Variants in ST3GAL5 observed in about 807,000 individuals in gnomAD.
The protein encoded by ST3GAL5 is ST3 beta-galactoside alpha-2,3-sialyltransferase 5, also known as lactosylceramide alpha-2,3-sialyltransferase.
A neutral mutation model predicts 46.1 loss-of-function variants in ST3GAL5; 25 were observed. The ratio of observed to expected loss-of-function variants is 0.54; its 90% CI spans 0.40 to 0.76. The LOEUF (loss-of-function observed/expected upper bound fraction) is 0.76, where lower values mean the gene tolerates loss of function less well. Among genes scored for constraint, ST3GAL5 ranks in the 30% least tolerant of loss-of-function variants. The probability of loss-of-function intolerance (pLI) is 0.00; values close to 1 mark genes in which losing one functional copy is unlikely to be tolerated. For missense variants in ST3GAL5, 431 were observed against 521.2 expected (o/e 0.83, Z 1.69); for synonymous variants, 182 against 192.7 (o/e 0.94, Z 0.46).
intron 1 of ST3GAL5, among the ~76,000 whole-genome samples, chr2:85,875,003 G>C (rs1686366228): frequency 2.0e-5 from 3 of 152,040 alleles, no homozygotes; most frequent in Non-Finnish European, 4.4e-5. Context: ...GGGAGGCTAG[G>C]GGAACAATAT....
chr2:85,848,295 A>G, intron 3 of ST3GAL5, 91 bp from the exon 4 acceptor site: 1 of 1,611,824 alleles, frequency 6.2e-7, no homozygotes, highest in Admixed American at 1.7e-5. Context: ...ATGATGTCTG[A>G]TGTAGCTCCC....
chr2:85,888,990 TG>T (rs1415321697), upstream of ST3GAL5: 10 of 1,061,242 alleles, frequency 9.4e-6, no homozygotes, highest in South Asian at 3.2e-5. Flanking sequence ...CCCATTCAGC[TG>T]GGGGCCGCCG....
chr2:85,870,202 A>G (rs930144514), intron 1 of ST3GAL5: 5 of 470,786 alleles, frequency 1.1e-5, no homozygotes, highest in Admixed American at 2.3e-5. Flanking sequence ...CCCCACTAGA[A>G]TGCAGATTCC....
chr2:85,858,041 C>T (rs1684333590), intron 3 of ST3GAL5: 1 of 152,242 alleles, frequency 6.6e-6, no homozygotes, highest in South Asian at 2.1e-4. Flanking sequence ...TGGCAAGCTT[C>T]AGAGGAGCTT....
At chr2:85,840,711 C>T (rs773209942) in intron 6 of ST3GAL5, among the ~76,000 whole-genome samples, 7 of 151,774 alleles carry the variant, frequency 4.6e-5, no homozygotes, top group Admixed American at 6.6e-5. Flanking sequence ...TCTGGGAGGC[C>T]GAGGTGGGCG....
chr2:85,864,837 T>C (rs905791896), intron 1 of ST3GAL5, among the ~76,000 whole-genome samples: 5 of 152,186 alleles, frequency 3.3e-5, no homozygotes, highest in Non-Finnish European at 7.3e-5. Context: ...CATTTCCCAG[T>C]CTCCCTTGGA....
rs1353624541 is a variant in ST3GAL5 at position 85,888,931 on chromosome 2, G to A, written c.-26C>T. ...ACTAATGAGGGGGCGCCGGCCGGCC[G>A]CCAGCCCGGTACCCCGCGCCCCCAC... On this transcript the variant is annotated 5_prime_UTR_variant, in exon 1 of 7. Coordinates refer to ENST00000638572, the MANE Select transcript of ST3GAL5 (RefSeq NM_003896.4). The A allele has an allele frequency of 3.8e-6, 5 of 1,330,840 alleles. No individual in the cohort carries two copies. The highest frequency in any genetic ancestry group is 3.0e-5 in the Admixed American group (1 of 33,056). 82.4% of individuals were successfully genotyped at this position (1,330,840 alleles called of 1,614,324 possible). A position where few individuals can be genotyped will look rare whatever the true frequency, so the allele number is the denominator to read the frequency against.
intron 1 of ST3GAL5, among the ~76,000 whole-genome samples, chr2:85,885,848 C>T (rs1340318752): frequency 6.7e-6 from 1 of 150,152 alleles, no homozygotes; most frequent in East Asian, 2.0e-4. Context: ...AAAAAAAAAA[C>T]TGGAGTAAAA....
Position 85,847,856 on chromosome 2 carries a change from T to A in ST3GAL5, c.662+5A>T. 1 of 1,613,544 alleles carries A rather than the reference T, an allele frequency of 6.2e-7. No homozygotes were observed. The highest frequency in any genetic ancestry group is 8.5e-7 in the Non-Finnish European group (1 of 1,179,928). ...TAAACAAACAAACAAAAAAAACCAA[T>A]GTACCTTATCACAACATCGAACTGG... On this transcript the variant is annotated splice_donor_5th_base_variant and intron_variant, in intron 4 of 6. Transcript: ENST00000638572.
At chr2:85,869,214 T>G (rs1402119711) in intron 1 of ST3GAL5, among the ~76,000 whole-genome samples, 1 of 152,130 alleles carries the variant, frequency 6.6e-6, no homozygotes, top group East Asian at 1.9e-4. Flanking sequence ...TGCACCCAGC[T>G]ATCTGTTTAT....
In ST3GAL5 at chr2:85,837,234, T is replaced by C. The variant is rs1472757915; in HGVS notation, c.*2910A>G. Reference sequence around the variant, plus strand: ...ATGAATAAAGAAAATGTGGTATATATACACAATGGAATATTATTCTGCCAT... The same window carrying C: ...ATGAATAAAGAAAATGTGGTATATACACACAATGGAATATTATTCTGCCAT... On this transcript the variant is annotated 3_prime_UTR_variant, in exon 7 of 7. Coordinates refer to ENST00000638572, the MANE Select transcript of ST3GAL5 (RefSeq NM_003896.4). 1 of 152,258 alleles carries C rather than the reference T, an allele frequency of 6.6e-6. No individual in the cohort carries two copies. The highest frequency in any genetic ancestry group is 1.5e-5 in the Non-Finnish European group (1 of 68,044). The allele number at this position is 152,258 out of a possible 1,614,324, so 9.4% of individuals were successfully genotyped here.
At chr2:85,856,184 C>T (rs545009464) in intron 3 of ST3GAL5, 3 of 152,262 alleles carry the variant, frequency 2.0e-5, no homozygotes, top group Non-Finnish European at 2.9e-5. Flanking sequence ...GTGGACACAA[C>T]CCAAATGTCC....
In ST3GAL5 at chr2:85,880,739, A is replaced by C. The variant is rs193286137; in HGVS notation, c.82+8085T>G. On this transcript the variant is annotated intron_variant, in intron 1 of 6. Coordinates refer to ENST00000638572, the MANE Select transcript of ST3GAL5 (RefSeq NM_003896.4). ...CTCGGGAGGCTGAGACAGGAGAACCAGTTGCTCCTGGGAGGCTGAGGTTGC... is the reference window on the plus strand; with the variant it reads ...CTCGGGAGGCTGAGACAGGAGAACCCGTTGCTCCTGGGAGGCTGAGGTTGC... Among the ~76,000 whole-genome samples, 157 of 152,086 alleles carry C rather than the reference A, an allele frequency of 1.0e-3. 1 individual carries two copies. Among genetic ancestry groups the C allele is most frequent in the African/African-American group, 3.6e-3 (148 of 41,508 alleles).
chr2:85,840,021 A>C lies in ST3GAL5; in HGVS notation c.*123T>G, dbSNP rs1002257248. 6.1e-6 allele frequency: 9 copies of C among 1,471,254 alleles called. No homozygotes were observed. Among genetic ancestry groups the C allele is most frequent in the Non-Finnish European group, 7.4e-6 (8 of 1,086,310 alleles). 91.1% of individuals were successfully genotyped at this position (1,471,254 alleles called of 1,614,324 possible). A position where few individuals can be genotyped will look rare whatever the true frequency, so the allele number is the denominator to read the frequency against. On this transcript the variant is annotated 3_prime_UTR_variant, in exon 7 of 7. Transcript: ENST00000638572. ...AGCTAAAATTTTTTTTGTGTTTTTAAATTAAAAGTTAAAAACATGAGCTGC... is the reference window on the plus strand; with the variant it reads ...AGCTAAAATTTTTTTTGTGTTTTTACATTAAAAGTTAAAAACATGAGCTGC...
chr2:85,883,479 C>T (rs1213569537), intron 1 of ST3GAL5, among the ~76,000 whole-genome samples: 1 of 152,166 alleles, frequency 6.6e-6, no homozygotes, highest in African/African-American at 2.4e-5. Context: ...TCTTTATCAG[C>T]AGTGTGAAAA....
At chr2:85,885,846 A>T (rs1265545018) in intron 1 of ST3GAL5, among the ~76,000 whole-genome samples, 1 of 152,026 alleles carries the variant, frequency 6.6e-6, no homozygotes, top group Non-Finnish European at 1.5e-5. Context: ...AGAAAAAAAA[A>T]ACTGGAGTAA....
chr2:85,886,491 T>C (rs1052066459), intron 1 of ST3GAL5, among the ~76,000 whole-genome samples: 4 of 152,094 alleles, frequency 2.6e-5, no homozygotes, highest in African/African-American at 9.7e-5. Context: ...GGAAAATTCA[T>C]TGAGCAGGAC....
intron 1 of ST3GAL5, among the ~76,000 whole-genome samples, chr2:85,868,796 T>C (rs1487149085): frequency 6.6e-6 from 1 of 151,862 alleles, no homozygotes; most frequent in Non-Finnish European, 1.5e-5. Context: ...TTTTTGTATT[T>C]TTAGTACAGA....
At chr2:85,880,546 G>C (rs1286369046) in intron 1 of ST3GAL5, among the ~76,000 whole-genome samples, 2 of 152,196 alleles carry the variant, frequency 1.3e-5, no homozygotes, top group African/African-American at 4.8e-5. Flanking sequence ...CTCATAGGCT[G>C]GGCATGGTGG....
Sources: allele counts gnomAD v4.1 joint callset (sites outside exome capture counted in the v4.1 genomes callset), GRCh38; gene constraint gnomAD v4.1.1; transcripts MANE v1.5; gene names NCBI Gene and HGNC (gene_info 2026-07-23, HGNC 2026-07-21).